CSMD3: variants seen among roughly 807,000 people sequenced by gnomAD.
CSMD3 encodes CUB and sushi domain-containing protein 3.
Under a neutral mutation model 435.2 loss-of-function variants are expected in CSMD3, and 177 were observed. The observed-to-expected ratio is 0.41, with a 90% CI of 0.36 to 0.46. The LOEUF is 0.46. Among genes scored for constraint, CSMD3 ranks in the 20% least tolerant of loss-of-function variants. The pLI is 0.34. For missense variants in CSMD3, 4,265 were observed against 4,504.6 expected, an observed-to-expected ratio of 0.95 and a Z score of 1.52; for synonymous variants, 1,656 against 1,520.5, an observed-to-expected ratio of 1.09 and a Z score of -2.07.
At chr8:112,912,137 A>G (rs2082438227) in intron 10 of CSMD3, among the ~76,000 whole-genome samples, 1 of 149,894 alleles carries the variant, frequency 6.7e-6, no homozygotes, top group Non-Finnish European at 1.5e-5. Flanking sequence ...ACAATGGATG[A>G]TTCTTCATTT....
intron 4 of CSMD3, among the ~76,000 whole-genome samples, chr8:113,123,284 T>C (rs1483392953): frequency 6.6e-6 from 1 of 152,110 alleles, no homozygotes; most frequent in Non-Finnish European, 1.5e-5. Context: ...AGCCAAAATA[T>C]ATTTGACAAG....
At chr8:113,329,233 A>AAATAAATAAATG (rs1196514500) in intron 1 of CSMD3, among the ~76,000 whole-genome samples, 1,581 of 151,260 alleles carry the variant, frequency 0.01, 36 homozygotes, top group African/African-American at 0.036. Flanking sequence ...ATAAATAAAT[A>AAATAAATAAATG]AGGAATTAAC....
At position 113,251,422 on chromosome 8, in the gene CSMD3, G is replaced by A. The variant is rs2093334060; in HGVS notation, c.514+27170C>T. Among the ~76,000 whole-genome samples the A allele has an allele frequency of 2.0e-5, 3 of 151,910 alleles. No individual in the cohort carries two copies. In the South Asian group the frequency reaches 6.2e-4, roughly 32 times the overall value. ...TCCAAGGAAAATGATGAGACACAGA[G>A]ATTTTTCTCCTTAATTTTAATTTAT... On this transcript the variant is annotated intron_variant, in intron 3 of 70. Transcript: ENST00000297405.
At chr8:112,614,738 T>G (rs555041216) in intron 22 of CSMD3, among the ~76,000 whole-genome samples, 1 of 152,262 alleles carries the variant, frequency 6.6e-6, no homozygotes, top group Non-Finnish European at 1.5e-5. Flanking sequence ...TATTGAATTT[T>G]ATTTTTTAGT....
intron 1 of CSMD3, among the ~76,000 whole-genome samples, chr8:113,424,139 T>C (rs2094622717): frequency 6.6e-6 from 1 of 151,674 alleles, no homozygotes; most frequent in Non-Finnish European, 1.5e-5. Context: ...ATAACATGAA[T>C]CATCAAAATA....
intron 22 of CSMD3, among the ~76,000 whole-genome samples, chr8:112,611,250 C>T (rs1458629832): frequency 1.3e-5 from 2 of 152,120 alleles, no homozygotes; most frequent in Non-Finnish European, 2.9e-5. Context: ...GCCTCCCAAT[C>T]CTAAACCATA....
At chr8:112,912,147 T>C (rs12541853) in intron 10 of CSMD3, among the ~76,000 whole-genome samples, 128,575 of 149,656 alleles carry the variant, frequency 0.86, 55,568 homozygotes, top group African/African-American at 0.94. Flanking sequence ...ATTCTTCATT[T>C]GGTCATCCAT....
At chr8:112,493,784 A>G (rs754418778) in intron 30 of CSMD3, among the ~76,000 whole-genome samples, 8 of 152,162 alleles carry the variant, frequency 5.3e-5, no homozygotes, top group Non-Finnish European at 1.2e-4. Flanking sequence ...CTTTGTTGTT[A>G]ACAGATCTGG....
intron 16 of CSMD3, among the ~76,000 whole-genome samples, chr8:112,677,161 A>G (rs1407974456): frequency 1.3e-5 from 2 of 152,062 alleles, no homozygotes; most frequent in African/African-American, 4.8e-5. Flanking sequence ...TGTGTGTGAC[A>G]GAGGGACTGA....
At chr8:113,169,218 T>A (rs904826544) in intron 4 of CSMD3, among the ~76,000 whole-genome samples, 6 of 152,180 alleles carry the variant, frequency 3.9e-5, no homozygotes, top group Non-Finnish European at 5.9e-5. Flanking sequence ...TGGAAAACAG[T>A]CTTCCAAGAA....
At position 112,654,115 on chromosome 8, in the gene CSMD3, G is replaced by A. The variant is rs191553898; in HGVS notation, c.3004+2039C>T. On this transcript the variant is annotated intron_variant, in intron 18 of 70. Transcript: ENST00000297405. ...CTTCCTATAGGATTTTGGTTGCCTG[G>A]GGAAGACAAATTACTTTCACTTTCA... 5.5e-4 allele frequency among the ~76,000 whole-genome samples: 83 copies of A among 152,078 alleles called. 2 individuals carry two copies. The highest frequency in any genetic ancestry group is 5.4e-3 in the Admixed American group (83 of 15,246).
At chr8:113,269,894 T>A (rs1216626605) in intron 3 of CSMD3, among the ~76,000 whole-genome samples, 3 of 151,808 alleles carry the variant, frequency 2.0e-5, no homozygotes, top group Non-Finnish European at 4.4e-5. Context: ...ATTCAGGACA[T>A]AGGCATGGGC....
At chr8:113,430,254 C>T (rs2094663395) in intron 1 of CSMD3, among the ~76,000 whole-genome samples, 1 of 152,166 alleles carries the variant, frequency 6.6e-6, no homozygotes, top group African/African-American at 2.4e-5. Flanking sequence ...CGAGTTCATA[C>T]AGGCTTTGCA....
At chr8:112,657,656 A>C (rs2075288323) in intron 17 of CSMD3, among the ~76,000 whole-genome samples, 1 of 152,328 alleles carries the variant, frequency 6.6e-6, no homozygotes, top group Non-Finnish European at 1.5e-5. Context: ...AAACTGTGGA[A>C]AAATGTTTAT....
intron 13 of CSMD3, among the ~76,000 whole-genome samples, chr8:112,737,611 A>G (rs1032533115): frequency 1.3e-5 from 2 of 151,996 alleles, no homozygotes; most frequent in African/African-American, 2.4e-5. Flanking sequence ...AGCATCCCAT[A>G]TCATTCTCAG....
At chr8:112,288,505 A>G (rs1425436107) in intron 57 of CSMD3, among the ~76,000 whole-genome samples, 1 of 152,066 alleles carries the variant, frequency 6.6e-6, no homozygotes, top group African/African-American at 2.4e-5. Context: ...ACTGCTTTTA[A>G]CTCTAAAGTG....
At chr8:112,721,875 A>T (rs1047992634) in intron 13 of CSMD3, among the ~76,000 whole-genome samples, 2 of 152,178 alleles carry the variant, frequency 1.3e-5, no homozygotes, top group Non-Finnish European at 2.9e-5. Flanking sequence ...ATTTCTCAGT[A>T]TTAAACAATA....
At chr8:113,256,495 A>G (rs763948551) in intron 3 of CSMD3, among the ~76,000 whole-genome samples, 1 of 152,216 alleles carries the variant, frequency 6.6e-6, no homozygotes, top group Non-Finnish European at 1.5e-5. Flanking sequence ...TGTGCTCACT[A>G]GGAAAAGTTA....
At chr8:113,179,518 C>G (rs916974400) in intron 3 of CSMD3, among the ~76,000 whole-genome samples, 6 of 151,744 alleles carry the variant, frequency 4.0e-5, no homozygotes, top group Admixed American at 2.6e-4. Flanking sequence ...TCTTAACTTT[C>G]AGCAGAAAAT....
Sources: allele counts gnomAD v4.1 joint callset (sites outside exome capture counted in the v4.1 genomes callset), GRCh38; gene constraint gnomAD v4.1.1; transcripts MANE v1.5; gene names NCBI Gene and HGNC (gene_info 2026-07-23, HGNC 2026-07-21).